Variants in COL23A1 observed in about 807,000 individuals in gnomAD.
The protein encoded by COL23A1 is collagen type XXIII alpha 1 chain, also known as collagen alpha-1(XXIII) chain.
Under a neutral mutation model 99.3 loss-of-function variants are expected in COL23A1, and 97 were observed. The ratio of observed to expected loss-of-function variants is 0.98; its 90% confidence interval spans 0.83 to 1.16. COL23A1 has a LOEUF of 1.16. Ranked by LOEUF, COL23A1 falls within the 50% of genes most tolerant of loss-of-function variation. COL23A1 has a pLI of 0.00. For synonymous variants in COL23A1, 320 were observed against 308.2 expected, an observed-to-expected ratio of 1.04 and a Z score of -0.40; for missense variants, 762 against 757.4, an observed-to-expected ratio of 1.01 and a Z score of -0.07.
intron 2 of COL23A1, among the ~76,000 whole-genome samples, chr5:178,356,933 G>C (rs1353687864): frequency 6.6e-6 from 1 of 152,156 alleles, no homozygotes; most frequent in African/African-American, 2.4e-5. Context: ...CAGATAATTA[G>C]AGATGCTGCA....
chr5:178,256,102 G>C (rs560626027), intron 15 of COL23A1, among the ~76,000 whole-genome samples: 2 of 152,172 alleles, frequency 1.3e-5, no homozygotes, highest in Non-Finnish European at 2.9e-5. Flanking sequence ...TGAGGGGACC[G>C]AGAGAGATCT....
intron 2 of COL23A1, among the ~76,000 whole-genome samples, chr5:178,440,616 C>CT (rs746471784): frequency 0.11 from 16,145 of 141,944 alleles, 1,184 homozygotes; most frequent in African/African-American, 0.2. Context: ...TTTCATCTTT[C>CT]TTTTTTTTTT....
At chr5:178,403,688 G>A (rs1443077144) in intron 2 of COL23A1, among the ~76,000 whole-genome samples, 1 of 152,228 alleles carries the variant, frequency 6.6e-6, no homozygotes, top group East Asian at 1.9e-4. Flanking sequence ...TGGCTGAGAT[G>A]CCTCACAAAT....
chr5:178,377,148 G>A (rs1763113492), intron 2 of COL23A1, among the ~76,000 whole-genome samples: 1 of 152,228 alleles, frequency 6.6e-6, no homozygotes, highest in Non-Finnish European at 1.5e-5. Context: ...AAGCGTCTGA[G>A]TCAGCAGTGG....
chr5:178,539,024 C>A (rs1017674467), intron 2 of COL23A1, among the ~76,000 whole-genome samples: 2 of 152,116 alleles, frequency 1.3e-5, no homozygotes, highest in Admixed American at 6.6e-5. Context: ...CCGGAAAAGG[C>A]AAGGCTTTAG....
At chr5:178,476,969 C>A (rs1483972031) in intron 2 of COL23A1, among the ~76,000 whole-genome samples, 1 of 152,210 alleles carries the variant, frequency 6.6e-6, no homozygotes, top group Non-Finnish European at 1.5e-5. Context: ...GGTTTCCAAT[C>A]CTAGCTTTGT....
chr5:178,502,002 C>T (rs2127985814), intron 2 of COL23A1, among the ~76,000 whole-genome samples: 1 of 152,354 alleles, frequency 6.6e-6, no homozygotes, highest in South Asian at 2.1e-4. Flanking sequence ...CAAAGACCGA[C>T]AATCTGATAG....
In COL23A1 at chr5:178,248,162, G is replaced by A. The variant is rs201113695; in HGVS notation, c.1212+30C>T. On this transcript the variant is annotated intron_variant, in intron 20 of 28. Transcript: ENST00000390654. ...CACCCAGCCTGGACTGGGTGTTGGG[G>A]GAAGCCCTGACCCCCCCATACCCCC... The A allele has an allele frequency of 8.8e-4, 1,300 of 1,480,242 alleles. 7 individuals carry two copies. In the African/African-American group the frequency reaches 0.016, roughly 18 times the overall value. The allele number at this position is 1,480,242 out of a possible 1,614,324, so 91.7% of individuals were successfully genotyped here.
At chr5:178,545,278 C>T (rs1005307794) in intron 2 of COL23A1, among the ~76,000 whole-genome samples, 3 of 152,112 alleles carry the variant, frequency 2.0e-5, no homozygotes, top group Non-Finnish European at 1.5e-5. Context: ...TCTCAGGCTA[C>T]GGCACTTTGA....
At chr5:178,570,557 T>C (rs180729185) in intron 1 of COL23A1, among the ~76,000 whole-genome samples, 10 of 152,304 alleles carry the variant, frequency 6.6e-5, no homozygotes, top group South Asian at 2.1e-4. Flanking sequence ...TTTACACTTA[T>C]AGGCAACATA....
rs187032881 is a variant in COL23A1, at chr5:178,387,945, C to G, written c.362-81026G>C. On this transcript the variant is annotated intron_variant, in intron 2 of 28. Transcript: ENST00000390654. This position sits in a 1 kb window ranked among gnomAD's most constrained non-coding sequence, Gnocchi z 4.7. ...CACTGCAAGAACTGCCAGTGAAGGA[C>G]AGAAATGGGCAAGTGGGAGGAGATT... Among the ~76,000 whole-genome samples, 1 of 152,182 alleles carries G rather than the reference C, an allele frequency of 6.6e-6. No individual in the cohort carries two copies. The highest frequency in any genetic ancestry group is 1.5e-5 in the Non-Finnish European group (1 of 68,024).
At chr5:178,499,966 T>C (rs1379949020) in intron 2 of COL23A1, among the ~76,000 whole-genome samples, 1 of 152,212 alleles carries the variant, frequency 6.6e-6, no homozygotes, top group Non-Finnish European at 1.5e-5. Context: ...AAATGGTCCA[T>C]ACTGTATGAT....
At chr5:178,571,938 G>C (rs2113658232) in intron 1 of COL23A1, among the ~76,000 whole-genome samples, 1 of 152,144 alleles carries the variant, frequency 6.6e-6, no homozygotes, top group Admixed American at 6.5e-5. Flanking sequence ...TGTGGTGGCG[G>C]GCGCCTGTAG....
At chr5:178,497,151 T>C (rs1015412937) in intron 2 of COL23A1, among the ~76,000 whole-genome samples, 5 of 152,050 alleles carry the variant, frequency 3.3e-5, no homozygotes, top group Non-Finnish European at 7.4e-5. Context: ...AAGAAGCAAA[T>C]GGTTTGTCAA....
At chr5:178,372,749 C>A (rs1762864842) in intron 2 of COL23A1, among the ~76,000 whole-genome samples, 1 of 151,708 alleles carries the variant, frequency 6.6e-6, no homozygotes, top group South Asian at 2.1e-4. Flanking sequence ...ATTTTTTTTG[C>A]ATTTTTAGTA....
chr5:178,521,552 CA>C (rs5873620), intron 2 of COL23A1, among the ~76,000 whole-genome samples: 50,756 of 113,218 alleles, frequency 0.45, 9,370 homozygotes, highest in Admixed American at 0.54. Context: ...GACTCCATCT[CA>C]AAAAAAAAAA....
intron 7 of COL23A1, among the ~76,000 whole-genome samples, 164 bp downstream of exon 7, chr5:178,268,566 T>G (rs1756039417): frequency 6.6e-6 from 1 of 152,136 alleles, no homozygotes. Flanking sequence ...CTTGTAATCA[T>G]TTTAGAAGGT....
At position 178,259,754 on chromosome 5, in the gene COL23A1, G is replaced by T; in HGVS notation, c.703-7C>A. 6.2e-7 allele frequency: 1 copy of T among 1,603,334 alleles called. No homozygotes were observed. The highest frequency in any genetic ancestry group is 8.5e-7 in the Non-Finnish European group (1 of 1,173,228). ...CAGGTACTCCAGGCTCACCCTGGGG[G>T]AGGCAATGGGGGGTTCAAGAGCAAG... On this transcript the variant is annotated splice_region_variant and splice_polypyrimidine_tract_variant and intron_variant, in intron 11 of 28. Coordinates refer to ENST00000390654, the MANE Select transcript of COL23A1 (RefSeq NM_173465.4).
chr5:178,578,215 C>T (rs1763491681), intron 1 of COL23A1, among the ~76,000 whole-genome samples: 1 of 151,974 alleles, frequency 6.6e-6, no homozygotes, highest in African/African-American at 2.4e-5. Flanking sequence ...CCCATGTACA[C>T]ACACATATGC....
Sources: gnomAD v4.1 joint callset for allele counts (sites outside exome capture counted in the v4.1 genomes callset) on GRCh38, gnomAD v4.1.1 for gene constraint, Gnocchi (gnomAD v3.1) non-coding constraint, MANE v1.5 for transcripts, NCBI Gene and HGNC (gene_info 2026-07-23, HGNC 2026-07-21) for gene names.